The following NPHP3 variants were observed in gnomAD, a reference collection of about 807,000 sequenced individuals.
The protein encoded by NPHP3 is nephrocystin-3.
NPHP3 carries 123 observed loss-of-function variants against 171.9 expected under a neutral mutation model. The ratio of observed to expected loss-of-function variants is 0.72; its 90% CI spans 0.62 to 0.83. The LOEUF is 0.83. Among genes scored for constraint, NPHP3 ranks in the 40% least tolerant of loss-of-function variants. The pLI is 0.00. For synonymous variants in NPHP3, 558 were observed against 579.2 expected (o/e 0.96, Z 0.52); for missense variants, 1,506 against 1,591.9 (o/e 0.95, Z 0.92).
At chr3:132,690,389 G>T in intron 19 of NPHP3, 139 bp downstream of exon 19, 1 of 767,932 alleles carries the variant, frequency 1.3e-6, no homozygotes, top group Non-Finnish European at 2.1e-6. Flanking sequence ...TTTGTAAATT[G>T]TCTCAAGATT....
At chr3:132,702,140 A>T (rs1939627719) in intron 9 of NPHP3, among the ~76,000 whole-genome samples, 1 of 152,204 alleles carries the variant, frequency 6.6e-6, no homozygotes, top group Non-Finnish European at 1.5e-5. Context: ...GGGTTTTGCA[A>T]CACTCAAATG....
chr3:132,689,947 A>G (rs1227056679), intron 19 of NPHP3, among the ~76,000 whole-genome samples: 1 of 152,168 alleles, frequency 6.6e-6, no homozygotes, highest in African/African-American at 2.4e-5. Context: ...GAAATGTCTA[A>G]ATCTCTAAGT....
chr3:132,714,308 G>A, intron 5 of NPHP3, among the ~76,000 whole-genome samples: 1 of 152,102 alleles, frequency 6.6e-6, no homozygotes, highest in East Asian at 1.9e-4. Context: ...TTTAAAACAG[G>A]CAGCAGGCCA....
At chr3:132,709,408 G>A (rs769782859) in intron 6 of NPHP3, among the ~76,000 whole-genome samples, 42 of 148,796 alleles carry the variant, frequency 2.8e-4, no homozygotes, top group East Asian at 8.2e-4. Flanking sequence ...TCAGCCTACC[G>A]AGTAGCTAGG....
Position 132,708,249 on chromosome 3 carries a change from A to T in NPHP3, c.1127T>A (p.Leu376Ter), listed in dbSNP as rs770192424. The T allele has an allele frequency of 1.2e-5, 20 of 1,613,942 alleles. No homozygotes were observed. Among genetic ancestry groups the T allele is most frequent in the Non-Finnish European group, 9.3e-6 (11 of 1,180,010 alleles). The change falls in exon 7 of 27, where the codon TTG (leucine) becomes TAG (stop). Residue 376 changes from leucine to a stop codon, truncating the protein, a stop_gained. Transcript: ENST00000337331. LOFTEE classifies it high-confidence loss of function. ...FIHLTLPSLL[L>*]EDCEEAFLKN... Reference sequence around the variant, plus strand: ...CAGAAAAGCTTCTTCACAGTCTTCCAATAAAAGGCTAGATTGGAAATCAGC... The same window carrying T: ...CAGAAAAGCTTCTTCACAGTCTTCCTATAAAAGGCTAGATTGGAAATCAGC...
At chr3:132,700,552 C>T (rs1939581613) in intron 10 of NPHP3, 104 bp from the exon 11 acceptor site, 1 of 640,088 alleles carries the variant, frequency 1.6e-6, no homozygotes, top group South Asian at 2.0e-5. Flanking sequence ...CCTAACTGAG[C>T]AATCAGGTGG....
In NPHP3 at chr3:132,713,272, T is replaced by C; in HGVS notation, c.972A>G (p.Lys324=). The change falls in exon 6 of 27, where the codon AAA becomes AAG. Residue 324 remains lysine, a synonymous_variant. Coordinates refer to ENST00000337331, the MANE Select transcript of NPHP3 (RefSeq NM_153240.5). Reference sequence around the variant, plus strand: ...CCATTGTCTCGCACATTCTCTTAAGTTTAGGTGAATAGTCCTAAAAACAAA... The same window carrying C: ...CCATTGTCTCGCACATTCTCTTAAGCTTAGGTGAATAGTCCTAAAAACAAA... The part of the protein sequence containing the change: ...MDLFLKDYSP[K]LKRMCETMGY... The C allele has an allele frequency of 1.9e-6, 3 of 1,599,698 alleles. No individual in the cohort carries two copies. The highest frequency in any genetic ancestry group is 2.6e-6 in the Non-Finnish European group (3 of 1,172,476).
intron 1 of NPHP3, chr3:132,721,755 C>A (rs1303782531): frequency 4.1e-6 from 3 of 740,568 alleles, no homozygotes; most frequent in Non-Finnish European, 7.1e-6. Context: ...GAGCCGCGAT[C>A]GTGCCACCGC....
rs555807270 is a variant in NPHP3 at position 132,706,521 on chromosome 3, G to A, written c.1276-707C>T. ...TCAATAAAGCTATAATTCTATAAAAGACAAAAGCAAAATAGTATACTATGT... is the reference window on the plus strand; with the variant it reads ...TCAATAAAGCTATAATTCTATAAAAAACAAAAGCAAAATAGTATACTATGT... On this transcript the variant is annotated intron_variant, in intron 7 of 26. Transcript: ENST00000337331. 5.9e-5 allele frequency among the ~76,000 whole-genome samples: 9 copies of A among 151,536 alleles called. No individual in the cohort carries two copies. The South Asian group carries it at 1.9e-3, about 31-fold the overall frequency.
Position 132,688,643 on chromosome 3 carries a change from ATCTT to A in NPHP3, c.3125+3_3125+6del. The stretch of plus-strand genomic sequence containing the variant: ...AAATCAGGTATTACTGATCTAAAAA[ATCTT>A]ACTTATTTTGTTTCTGGTACAAAGT... On this transcript the variant is annotated splice_donor_5th_base_variant and intron_variant, in intron 21 of 26. Coordinates refer to ENST00000337331, the MANE Select transcript of NPHP3 (RefSeq NM_153240.5). 1 of 1,613,850 alleles carries A rather than the reference ATCTT, an allele frequency of 6.2e-7. No homozygotes were observed. Among genetic ancestry groups the A allele is most frequent in the East Asian group, 2.2e-5 (1 of 44,862 alleles).
chr3:132,721,515 C>CA, intron 1 of NPHP3: 1 of 283,876 alleles, frequency 3.5e-6, no homozygotes, highest in Admixed American at 4.8e-5. Context: ...TGAGTTGCTT[C>CA]AACAGATGTC....
chr3:132,686,990 TATG>T (rs1335088137), intron 22 of NPHP3, among the ~76,000 whole-genome samples, 158 bp downstream of exon 22: 1 of 152,178 alleles, frequency 6.6e-6, no homozygotes, highest in African/African-American at 2.4e-5. Flanking sequence ...TTCTCAGTAA[TATG>T]ATATTTTAAC....
Position 132,681,589 on chromosome 3 carries a change from C to A in NPHP3, c.*321G>T. ...GGCCAAGATTCATGGAATTTTTGAA[C>A]TCCTTGTCTTAACTACTCTGCCAGC... On this transcript the variant is annotated 3_prime_UTR_variant, in exon 27 of 27. Transcript: ENST00000337331. The A allele has an allele frequency of 3.1e-6, 1 of 319,274 alleles. No individual in the cohort carries two copies. The highest frequency in any genetic ancestry group is 6.0e-6 in the Non-Finnish European group (1 of 165,990). The allele number at this position is 319,274 out of a possible 1,614,324, so 19.8% of individuals were successfully genotyped here. A position where few individuals can be genotyped will look rare whatever the true frequency, so the allele number is the denominator to read the frequency against.
chr3:132,689,003 C>T, intron 20 of NPHP3, 71 bp downstream of exon 20: 1 of 1,611,780 alleles, frequency 6.2e-7, no homozygotes, highest in Non-Finnish European at 8.5e-7. Flanking sequence ...ACATTAACAT[C>T]TTGGAAAAAG....
chr3:132,682,758 G>C lies in NPHP3; in HGVS notation c.3757C>G (p.Leu1253Val), dbSNP rs775281384. ...ERALKIYEDS[L>V]GRMHPRVGET... ...CCAACTCGAGGATGCATCCGACCCAGGCTATCTTCATAAATCTTTAATGCT... is the reference window on the plus strand; with the variant it reads ...CCAACTCGAGGATGCATCCGACCCACGCTATCTTCATAAATCTTTAATGCT... The change falls in exon 26 of 27, where the codon CTG (leucine) becomes GTG (valine). Residue 1253 changes from leucine (L) to valine (V), a missense_variant. Leu to Val is a conservative substitution (Grantham distance 32, BLOSUM62 1). Transcript: ENST00000337331. 16 of 1,613,596 alleles carry C rather than the reference G, an allele frequency of 9.9e-6. No homozygotes were observed. In the East Asian group the frequency reaches 2.7e-4, roughly 27 times the overall value.
In NPHP3 at chr3:132,713,285, TC is replaced by T; in HGVS notation, c.958del (p.Asp320ThrfsTer24). The T allele has an allele frequency of 6.3e-7, 1 of 1,588,106 alleles. No homozygotes were observed. The highest frequency in any genetic ancestry group is 8.6e-7 in the Non-Finnish European group (1 of 1,165,416). ...TQPEMDLFLK[D>X]YSPKLKRMCE... is the part of the protein sequence containing the mutation. The stretch of plus-strand genomic sequence containing the variant: ...CATTCTCTTAAGTTTAGGTGAATAG[TC>T]CTAAAAACAAATGAAAACATACAAA... On this transcript the variant is annotated frameshift_variant and splice_region_variant, in exon 6 of 27. Coordinates refer to ENST00000337331, the MANE Select transcript of NPHP3 (RefSeq NM_153240.5). LOFTEE classifies it high-confidence loss of function.
intron 25 of NPHP3, among the ~76,000 whole-genome samples, 183 bp from the exon 26 acceptor site, chr3:132,683,001 A>G (rs1939071284): frequency 6.6e-6 from 1 of 152,240 alleles, no homozygotes; most frequent in African/African-American, 2.4e-5. Flanking sequence ...CAGATACTTA[A>G]GATTTAGACC....
chr3:132,692,726 G>C lies in NPHP3; in HGVS notation c.2403C>G (p.Ser801=), dbSNP rs1939331396. 6.2e-7 allele frequency: 1 copy of C among 1,613,836 alleles called. No individual in the cohort carries two copies. The highest frequency in any genetic ancestry group is 1.7e-5 in the Admixed American group (1 of 59,998). Residue 801 remains serine (S), a synonymous_variant, in exon 17 of 27, where the codon TCC becomes TCG. Coordinates refer to ENST00000337331, the MANE Select transcript of NPHP3 (RefSeq NM_153240.5). Reference sequence around the variant, plus strand: ...ACATTTTGTATAAACTGTGAATAAGGGAGGTCAAGAAAGTCCAGGACATCT... The same window carrying C: ...ACATTTTGTATAAACTGTGAATAAGCGAGGTCAAGAAAGTCCAGGACATCT... ...YPEMSWTFLT[S]LIHSLYKMCL...
intron 9 of NPHP3, 55 bp from the exon 10 acceptor site, chr3:132,701,588 G>T: frequency 9.2e-7 from 1 of 1,087,798 alleles, no homozygotes; most frequent in Non-Finnish European, 1.4e-6. Flanking sequence ...TGAGACTACT[G>T]AAGAGTCAAC....
Sources: gnomAD v4.1 joint callset for allele counts (sites outside exome capture counted in the v4.1 genomes callset) on GRCh38, gnomAD v4.1.1 for gene constraint, MANE v1.5 for transcripts, NCBI Gene and HGNC (gene_info 2026-07-23, HGNC 2026-07-21) for gene names.